Variants in SRRD observed in about 807,000 individuals in gnomAD.
SRRD encodes SRR1-like protein.
A neutral mutation model predicts 30.7 loss-of-function variants in SRRD; 28 were observed. That is an observed-to-expected ratio of 0.91 (90% CI 0.68 to 1.25). The LOEUF is 1.25. SRRD is among the 50% of genes most tolerant of loss of function. The pLI is 0.00. For synonymous variants in SRRD, 161 were observed against 159.6 expected (o/e 1.01, Z -0.07); for missense variants, 415 against 417.3 (o/e 0.99, Z 0.05).
intron 1 of SRRD, among the ~76,000 whole-genome samples, chr22:26,484,506 GAGGGAAGCAAC>G (rs2091650381): frequency 6.6e-6 from 1 of 152,184 alleles, no homozygotes; most frequent in African/African-American, 2.4e-5. Flanking sequence ...GTGGTGACAC[GAGGGAAGCAAC>G]ATGAACACGT....
chr22:26,484,724 G>A (rs2091658736), intron 1 of SRRD, among the ~76,000 whole-genome samples: 1 of 152,162 alleles, frequency 6.6e-6, no homozygotes, highest in South Asian at 2.1e-4. Flanking sequence ...CATTATGCTT[G>A]TTGCTTATCC....
intron 2 of SRRD, among the ~76,000 whole-genome samples, chr22:26,487,792 GC>G (rs2091719039): frequency 6.6e-6 from 1 of 152,218 alleles, no homozygotes; most frequent in Admixed American, 6.5e-5. Context: ...CTTGCAACAT[GC>G]TCTTGGGTTT....
rs1255509340 is a variant in SRRD at position 26,492,216 on chromosome 22, T to C, written c.*544T>C. 1.9e-6 allele frequency: 3 copies of C among 1,614,244 alleles called. No homozygotes were observed. Among genetic ancestry groups the C allele is most frequent in the South Asian group, 1.1e-5 (1 of 91,086 alleles). ...GTCTCAATGAGGTCCTTAAAGTTCA[T>C]GGGCACAGAGCTAGCGGCCACGCCA... On this transcript the variant is annotated 3_prime_UTR_variant, in exon 7 of 7. Transcript: ENST00000215917.
Position 26,491,892 on chromosome 22 carries a change from T to A in SRRD, c.*220T>A. The A allele has an allele frequency of 9.3e-7, 1 of 1,077,778 alleles. No homozygotes were observed. The highest frequency in any genetic ancestry group is 1.6e-5 in the South Asian group (1 of 62,408). 66.8% of individuals were successfully genotyped at this position (1,077,778 alleles called of 1,614,324 possible). Reference sequence around the variant, plus strand: ...TACATCCTTCCCTCATGACCTGGCCTGATGTGGAGTAGCTCCTGAGTAAAG... The same window carrying A: ...TACATCCTTCCCTCATGACCTGGCCAGATGTGGAGTAGCTCCTGAGTAAAG... On this transcript the variant is annotated 3_prime_UTR_variant, in exon 7 of 7. Transcript: ENST00000215917.
chr22:26,492,365 G>C lies in SRRD; in HGVS notation c.*693G>C. The C allele has an allele frequency of 6.2e-7, 1 of 1,614,034 alleles. No homozygotes were observed. On this transcript the variant is annotated 3_prime_UTR_variant, in exon 7 of 7. Transcript: ENST00000215917. ...CTCCCGTGCTCCTGGCTGCATGTAG[G>C]CACCTAAGATACAGGAGGACAGGGC... is the stretch of plus-strand genomic sequence containing the variant.
intron 1 of SRRD, among the ~76,000 whole-genome samples, chr22:26,485,152 G>A (rs2091675035): frequency 6.6e-6 from 1 of 152,228 alleles, no homozygotes; most frequent in Non-Finnish European, 1.5e-5. Context: ...CCTTGACACT[G>A]TCACGATCTC....
intron 4 of SRRD, among the ~76,000 whole-genome samples, chr22:26,488,799 A>C (rs140945695): frequency 6.6e-6 from 1 of 152,258 alleles, no homozygotes; most frequent in Non-Finnish European, 1.5e-5. Context: ...GAAACATAAA[A>C]GTCTAGGTGC....
In SRRD at chr22:26,488,025, T is replaced by C. The variant is rs1345784797; in HGVS notation, c.251-4T>C. On this transcript the variant is annotated splice_polypyrimidine_tract_variant and splice_region_variant and intron_variant, in intron 2 of 6. Coordinates refer to ENST00000215917, the MANE Select transcript of SRRD (RefSeq NM_001013694.3). The stretch of plus-strand genomic sequence containing the variant: ...TAACTGCATTTGGGGGCCTGCTCTT[T>C]CAGAAACCATCAATAGATGTCTCAC... 6.2e-7 allele frequency: 1 copy of C among 1,603,684 alleles called. No homozygotes were observed. The highest frequency in any genetic ancestry group is 1.1e-5 in the South Asian group (1 of 89,970).
In SRRD at chr22:26,486,480, T is replaced by G. The variant is rs147260285; in HGVS notation, c.250+417T>G. Reference sequence around the variant, plus strand: ...GGAGTGGACATACCATAGGTATCATTTTTATTGTGGGACATTTAGTTTTCT... The same window carrying G: ...GGAGTGGACATACCATAGGTATCATGTTTATTGTGGGACATTTAGTTTTCT... On this transcript the variant is annotated intron_variant, in intron 2 of 6. Transcript: ENST00000215917. 4.9e-3 allele frequency among the ~76,000 whole-genome samples: 745 copies of G among 152,302 alleles called. 4 individuals are homozygous for G. Among genetic ancestry groups the G allele is most frequent in the Middle Eastern group, 0.014 (4 of 294 alleles).
intron 1 of SRRD, among the ~76,000 whole-genome samples, 164 bp downstream of exon 1, chr22:26,484,263 G>C (rs1361679908): frequency 6.6e-6 from 1 of 152,160 alleles, no homozygotes; most frequent in Non-Finnish European, 1.5e-5. Context: ...TATAGTAAGC[G>C]CTCAGTTAAA....
chr22:26,494,397 T>G lies in SRRD; in HGVS notation c.*2725T>G. On this transcript the variant is annotated 3_prime_UTR_variant, in exon 7 of 7. Coordinates refer to ENST00000215917, the MANE Select transcript of SRRD (RefSeq NM_001013694.3). ...ATTTGTTTTGTTTTGATCCTGGTCC[T>G]ACAGGCTAGTGACACTACTTTACAG... The G allele has an allele frequency of 7.0e-7, 1 of 1,430,320 alleles. No homozygotes were observed. Among genetic ancestry groups the G allele is most frequent in the East Asian group, 2.3e-5 (1 of 43,750 alleles). 88.6% of individuals were successfully genotyped at this position (1,430,320 alleles called of 1,614,324 possible).
chr22:26,491,811 A>C lies in SRRD; in HGVS notation c.*139A>C. On this transcript the variant is annotated 3_prime_UTR_variant, in exon 7 of 7. Coordinates refer to ENST00000215917, the MANE Select transcript of SRRD (RefSeq NM_001013694.3). ...TTGGCTGTCCTGTTTTGAGGACGATACCCCACATGAGGACTTGGTATAAAG... is the reference window on the plus strand; with the variant it reads ...TTGGCTGTCCTGTTTTGAGGACGATCCCCCACATGAGGACTTGGTATAAAG... 1.1e-6 allele frequency: 1 copy of C among 935,350 alleles called. No homozygotes were observed. The highest frequency in any genetic ancestry group is 2.7e-5 in the Admixed American group (1 of 36,814). The allele number at this position is 935,350 out of a possible 1,614,324, so 57.9% of individuals were successfully genotyped here.
rs552990188 is a variant in SRRD, at chr22:26,484,089, T to G, written c.199T>G (p.Trp67Gly). The G allele has an allele frequency of 6.6e-7, 1 of 1,505,890 alleles. No homozygotes were observed. Among genetic ancestry groups the G allele is most frequent in the Admixed American group, 2.1e-5 (1 of 47,716 alleles). 93.3% of individuals were successfully genotyped at this position (1,505,890 alleles called of 1,614,324 possible). A position where few individuals can be genotyped will look rare whatever the true frequency, so the allele number is the denominator to read the frequency against. ...SDSGVVLRRI[W>G]EAEKDLFISD... is the part of the protein sequence containing the mutation. ...CAGCGGAGTCGTGCTTCGTCGCATC[T>G]GGGAGGCTGAGTGAGTGCAGGCTCG... is the stretch of plus-strand genomic sequence containing the variant. The change falls in exon 1 of 7, where the codon TGG (tryptophan) becomes GGG (glycine). Residue 67 changes from tryptophan (W) to glycine (G), a missense_variant. Transcript: ENST00000215917.
At chr22:26,488,720 G>C (rs914878302) in intron 4 of SRRD, among the ~76,000 whole-genome samples, 2 of 152,238 alleles carry the variant, frequency 1.3e-5, no homozygotes, top group African/African-American at 4.8e-5. Context: ...GAACATGTTA[G>C]GTCTGCACCA....
In SRRD at chr22:26,491,593, G is replaced by A. The variant is rs1411721335; in HGVS notation, c.941G>A (p.Arg314Gln). Residue 314 changes from arginine to glutamine, a missense_variant, in exon 7 of 7, where the codon CGG becomes CAG. By Grantham distance (43) the Arg-to-Gln change is conservative. Coordinates refer to ENST00000215917, the MANE Select transcript of SRRD (RefSeq NM_001013694.3). ...CTCTCCATAGATATTTGGGAGTTTC[G>A]GGAAGAACCAGATTATCAGGACTGT... is the stretch of plus-strand genomic sequence containing the variant. ...EQLSIDIWEF[R>Q]EEPDYQDCED... The A allele has an allele frequency of 4.3e-6, 7 of 1,614,144 alleles. No individual in the cohort carries two copies. The highest frequency in any genetic ancestry group is 2.2e-5 in the East Asian group (1 of 44,886).
intron 6 of SRRD, 111 bp downstream of exon 6, chr22:26,491,181 ACT>A: frequency 5.4e-6 from 6 of 1,101,814 alleles, no homozygotes; most frequent in Non-Finnish European, 8.1e-6. Context: ...GCGCTAGTGT[ACT>A]GTCAGCTCTC....
At chr22:26,490,620 G>A (rs965601208) in intron 5 of SRRD, among the ~76,000 whole-genome samples, 1 of 127,134 alleles carries the variant, frequency 7.9e-6, no homozygotes, top group African/African-American at 2.9e-5. Flanking sequence ...CTGGAGTGCA[G>A]TGGTATGATC....
rs1921468002 is a variant in SRRD, at chr22:26,493,332, A to G, written c.*1660A>G. 6.6e-6 allele frequency: 1 copy of G among 152,218 alleles called. No individual in the cohort carries two copies. Among genetic ancestry groups the G allele is most frequent in the South Asian group, 2.1e-4 (1 of 4,832 alleles). The allele number at this position is 152,218 out of a possible 1,614,324, so 9.4% of individuals were successfully genotyped here. On this transcript the variant is annotated 3_prime_UTR_variant, in exon 7 of 7. Transcript: ENST00000215917. ...TGAGCCACCGTGCCTGGCCTAGGCT[A>G]TTAAATAACAAGAATTAAAGACTCA...
At chr22:26,485,207 C>T (rs994824508) in intron 1 of SRRD, among the ~76,000 whole-genome samples, 1 of 152,238 alleles carries the variant, frequency 6.6e-6, no homozygotes, top group African/African-American at 2.4e-5. Flanking sequence ...CTTCTCCCAA[C>T]ACCCAAGTGT....
Sources: allele counts gnomAD v4.1 joint callset (sites outside exome capture counted in the v4.1 genomes callset), GRCh38; gene constraint gnomAD v4.1.1; transcripts MANE v1.5; gene names NCBI Gene and HGNC (gene_info 2026-07-23, HGNC 2026-07-21).